OSBPL6: variants seen among roughly 807,000 people sequenced by gnomAD.
OSBPL6 encodes oxysterol-binding protein-related protein 6.
In OSBPL6, 49 loss-of-function variants were observed where a neutral mutation model predicts 125.8. The observed-to-expected ratio is 0.39, with a 90% CI of 0.31 to 0.49. The LOEUF (loss-of-function observed/expected upper bound fraction) is 0.49, where lower values mean the gene tolerates loss of function less well. Among genes scored for constraint, OSBPL6 ranks in the 20% least tolerant of loss-of-function variants. OSBPL6 has a pLI of 0.88. For missense variants in OSBPL6, 986 were observed against 1,135.4 expected, an observed-to-expected ratio of 0.87 and a Z score of 1.89; for synonymous variants, 394 against 391.8, an observed-to-expected ratio of 1.01 and a Z score of -0.07.
At chr2:178,379,689 C>CT (rs1243841595) in intron 15 of OSBPL6, among the ~76,000 whole-genome samples, 1 of 152,048 alleles carries the variant, frequency 6.6e-6, no homozygotes, top group African/African-American at 2.4e-5. Flanking sequence ...GTTTGATTTA[C>CT]TTTTTTTCAC....
At chr2:178,360,812 C>T (rs951341603) in intron 12 of OSBPL6, among the ~76,000 whole-genome samples, 3 of 152,116 alleles carry the variant, frequency 2.0e-5, no homozygotes, top group Admixed American at 1.3e-4. Context: ...ATCAATAGAT[C>T]GTGAATCCCT....
intron 1 of OSBPL6, among the ~76,000 whole-genome samples, chr2:178,274,861 T>C (rs185934605): frequency 6.6e-6 from 1 of 152,312 alleles, no homozygotes; most frequent in East Asian, 1.9e-4. Flanking sequence ...GATTGTACCC[T>C]GCTGAGCAGT....
chr2:178,289,376 T>G (rs1685026754), intron 2 of OSBPL6, among the ~76,000 whole-genome samples: 4 of 152,162 alleles, frequency 2.6e-5, no homozygotes, highest in Admixed American at 2.6e-4. Context: ...AACTTAGGCT[T>G]TTGTATAAGA....
At chr2:178,365,713 A>G (rs1212657414) in intron 13 of OSBPL6, among the ~76,000 whole-genome samples, 1 of 152,110 alleles carries the variant, frequency 6.6e-6, no homozygotes, top group Non-Finnish European at 1.5e-5. Flanking sequence ...TTATTTCCCA[A>G]TCTATATGTA....
At chr2:178,342,935 C>G (rs367776471) in intron 11 of OSBPL6, among the ~76,000 whole-genome samples, 42 of 152,116 alleles carry the variant, frequency 2.8e-4, no homozygotes, top group African/African-American at 9.9e-4. Context: ...ATAAGTTCTT[C>G]CCCCTTTTAC....
At chr2:178,338,663 C>T (rs1689921916) in intron 9 of OSBPL6, among the ~76,000 whole-genome samples, 1 of 152,178 alleles carries the variant, frequency 6.6e-6, no homozygotes, top group Admixed American at 6.5e-5. Flanking sequence ...AACAATGAAA[C>T]CACAGGACTG....
intron 1 of OSBPL6, among the ~76,000 whole-genome samples, chr2:178,196,666 C>T (rs1489730518): frequency 3.3e-5 from 5 of 152,096 alleles, no homozygotes; most frequent in African/African-American, 1.2e-4. Flanking sequence ...CCACAGATAC[C>T]GGATTAGGTA....
intron 9 of OSBPL6, among the ~76,000 whole-genome samples, chr2:178,337,442 C>A (rs922073967): frequency 2.0e-5 from 3 of 152,174 alleles, no homozygotes; most frequent in Non-Finnish European, 2.9e-5. Context: ...GAGATACTCA[C>A]ATCCCAGACT....
intron 1 of OSBPL6, among the ~76,000 whole-genome samples, chr2:178,258,029 G>T (rs1344174034): frequency 2.0e-5 from 3 of 152,108 alleles, no homozygotes; most frequent in Non-Finnish European, 2.9e-5. Flanking sequence ...GGGTTCAAGT[G>T]ATCCTTCCAC....
chr2:178,384,366 C>A (rs190219492), intron 18 of OSBPL6, among the ~76,000 whole-genome samples, 190 bp downstream of exon 18: 1 of 152,304 alleles, frequency 6.6e-6, no homozygotes, highest in African/African-American at 2.4e-5. Flanking sequence ...CATGACACAG[C>A]CTCAGGAGGT....
chr2:178,332,955 C>T lies in OSBPL6; in HGVS notation c.571C>T (p.Pro191Ser). 1 of 1,614,142 alleles carries T rather than the reference C, an allele frequency of 6.2e-7. No individual in the cohort carries two copies. ...TCGTCAGAATGAAATTGTGAGATCA[C>T]CAAGAGATGCTAGTTTTCACATATT... ...LYRQNEIVRSPRDASFHIFPS... is the reference protein window; with the variant it reads ...LYRQNEIVRSSRDASFHIFPS... The change falls in exon 8 of 25, where the codon CCA becomes TCA. Residue 191 changes from proline (P) to serine (S), a missense_variant. By Grantham distance (74) the Pro-to-Ser change is moderately conservative. This residue lies in a region of OSBPL6 where 843 missense variants were observed against 997.3 expected (regional missense o/e 0.85). Transcript: ENST00000190611.
At chr2:178,325,358 G>A (rs2154073516) in intron 4 of OSBPL6, among the ~76,000 whole-genome samples, 1 of 152,212 alleles carries the variant, frequency 6.6e-6, no homozygotes, top group South Asian at 2.1e-4. Flanking sequence ...CCAACTGTAT[G>A]GAATATATAC....
At chr2:178,338,355 A>G (rs1689892480) in intron 9 of OSBPL6, among the ~76,000 whole-genome samples, 1 of 152,236 alleles carries the variant, frequency 6.6e-6, no homozygotes, top group Non-Finnish European at 1.5e-5. Context: ...AATTTAAAAG[A>G]AAACTAAATG....
chr2:178,286,412 A>G (rs1684699733), intron 2 of OSBPL6, among the ~76,000 whole-genome samples: 1 of 152,204 alleles, frequency 6.6e-6, no homozygotes, highest in African/African-American at 2.4e-5. Flanking sequence ...GGTCACTTCT[A>G]TGTACTTTAA....
intron 1 of OSBPL6, among the ~76,000 whole-genome samples, chr2:178,280,927 G>A (rs334632): frequency 0.95 from 144,197 of 152,100 alleles, 68,439 homozygotes; most frequent in East Asian, 0.97. Flanking sequence ...GTTTGCTCTG[G>A]TAGTTTCTTT....
intron 1 of OSBPL6, among the ~76,000 whole-genome samples, chr2:178,275,763 G>C (rs1471639486): frequency 2.0e-5 from 3 of 151,418 alleles, no homozygotes; most frequent in Non-Finnish European, 4.4e-5. Context: ...AACCAGTAAA[G>C]CTGACTTGGG....
At chr2:178,312,541 C>T (rs1198157758) in intron 3 of OSBPL6, among the ~76,000 whole-genome samples, 5 of 151,910 alleles carry the variant, frequency 3.3e-5, no homozygotes, top group Non-Finnish European at 5.9e-5. Flanking sequence ...TTGCAACCTC[C>T]GCCTCCCAGG....
chr2:178,322,980 C>T lies in OSBPL6; in HGVS notation c.103-1197C>T, dbSNP rs376882027. ...TAGTCTTTACAGTAGGGAAGTTTCG[C>T]TCTCATGTATTTGAAGAGTGCATGA... On this transcript the variant is annotated intron_variant, in intron 3 of 24. Transcript: ENST00000190611. 6.9e-4 allele frequency among the ~76,000 whole-genome samples: 104 copies of T among 150,538 alleles called. 2 individuals carry two copies. The South Asian group carries it at 9.6e-3, about 14-fold the overall frequency.
rs554629539 is a variant in OSBPL6, at chr2:178,361,535, C to T, written c.1154-147C>T. ...GAGTATAGATATCCTGATAAAGATT[C>T]CTTTTGAAGGCTGATTTTTAATTAG... On this transcript the variant is annotated intron_variant, in intron 12 of 24. Coordinates refer to ENST00000190611, the MANE Select transcript of OSBPL6 (RefSeq NM_032523.4). The T allele has an allele frequency of 2.1e-5, 18 of 870,320 alleles. No individual in the cohort carries two copies. In the South Asian group the frequency reaches 3.4e-4, roughly 16 times the overall value. The allele number at this position is 870,320 out of a possible 1,614,324, so 53.9% of individuals were successfully genotyped here.
Sources: allele counts gnomAD v4.1 joint callset (sites outside exome capture counted in the v4.1 genomes callset), GRCh38; gene constraint gnomAD v4.1.1; regional missense constraint gnomAD v4.1.1; transcripts MANE v1.5; gene names NCBI Gene and HGNC (gene_info 2026-07-23, HGNC 2026-07-21).